The following PDE7A variants were observed in gnomAD, a reference collection of about 807,000 sequenced individuals.
PDE7A encodes the protein phosphodiesterase 7A.
A neutral mutation model predicts 64.3 loss-of-function variants in PDE7A; 39 were observed. That is an observed-to-expected ratio of 0.61 (90% confidence interval 0.47 to 0.79). The LOEUF is 0.79. Among genes scored for constraint, PDE7A ranks in the 30% least tolerant of loss-of-function variants. The pLI is 0.00. For missense variants in PDE7A, 470 were observed against 582.8 expected (o/e 0.81, Z 1.99); for synonymous variants, 203 against 206.8 (o/e 0.98, Z 0.16).
chr8:65,768,914 T>C (rs1288043719), intron 3 of PDE7A, among the ~76,000 whole-genome samples: 1 of 152,190 alleles, frequency 6.6e-6, no homozygotes, highest in Non-Finnish European at 1.5e-5. Context: ...AGATGCTATC[T>C]GAGGAAATTT....
chr8:65,728,826 G>GT (rs899590723), intron 7 of PDE7A, among the ~76,000 whole-genome samples: 1 of 152,112 alleles, frequency 6.6e-6, no homozygotes, highest in African/African-American at 2.4e-5. Context: ...AAAAATTAAT[G>GT]TATGACTGCA....
chr8:65,785,012 A>C (rs1164047127), intron 1 of PDE7A, among the ~76,000 whole-genome samples: 3 of 152,158 alleles, frequency 2.0e-5, no homozygotes, highest in African/African-American at 7.2e-5. Context: ...CAATTATTAT[A>C]TTGAAAATTT....
At chr8:65,805,703 G>A (rs1810092998) in intron 1 of PDE7A, among the ~76,000 whole-genome samples, 1 of 152,168 alleles carries the variant, frequency 6.6e-6, no homozygotes, top group Admixed American at 6.5e-5. Context: ...TAATGGTACT[G>A]TGGATTCACC....
At chr8:65,811,174 C>T (rs1175005778) in intron 1 of PDE7A, among the ~76,000 whole-genome samples, 2 of 152,032 alleles carry the variant, frequency 1.3e-5, no homozygotes, top group East Asian at 3.9e-4. Context: ...GCAACTTTAC[C>T]AGTCAGGTTC....
At chr8:65,799,766 A>C (rs11776756) in intron 1 of PDE7A, among the ~76,000 whole-genome samples, 24,483 of 152,176 alleles carry the variant, frequency 0.16, 2,392 homozygotes, top group African/African-American at 0.28. Context: ...GCCAATCAAG[A>C]CTGCTAAGTA....
At chr8:65,790,064 T>G (rs117728228) in intron 1 of PDE7A, among the ~76,000 whole-genome samples, 2 of 152,168 alleles carry the variant, frequency 1.3e-5, no homozygotes, top group Non-Finnish European at 2.9e-5. Context: ...AGATAAAGTG[T>G]GATGGTGCAA....
intron 1 of PDE7A, chr8:65,788,853 T>A: frequency 1.4e-6 from 2 of 1,426,866 alleles, no homozygotes; most frequent in Non-Finnish European, 2.0e-6. Flanking sequence ...ATGATGAATG[T>A]CACCATCCTA....
At chr8:65,825,206 C>T (rs1299708213) in intron 1 of PDE7A, among the ~76,000 whole-genome samples, 1 of 152,104 alleles carries the variant, frequency 6.6e-6, no homozygotes, top group Admixed American at 6.6e-5. Context: ...TACTTCTTTA[C>T]ATTTTTTCAT....
chr8:65,833,114 T>C (rs2128934770), intron 1 of PDE7A, among the ~76,000 whole-genome samples: 1 of 152,284 alleles, frequency 6.6e-6, no homozygotes, highest in East Asian at 1.9e-4. Context: ...ATCTATAACA[T>C]ATTAACCCTC....
intron 3 of PDE7A, among the ~76,000 whole-genome samples, chr8:65,762,814 A>G (rs777164748): frequency 3.3e-5 from 5 of 152,176 alleles, no homozygotes; most frequent in South Asian, 2.1e-4. Context: ...AAAATATTTC[A>G]GAATAAGCAT....
At chr8:65,734,938 C>CAT (rs757060749) in intron 6 of PDE7A, 44 bp from the exon 7 acceptor site, 1 of 1,180,708 alleles carries the variant, frequency 8.5e-7, no homozygotes, top group South Asian at 1.2e-5. Context: ...ATATGAGCAA[C>CAT]ATATACAAGG....
At chr8:65,802,842 C>A (rs1013551998) in intron 1 of PDE7A, among the ~76,000 whole-genome samples, 1 of 152,158 alleles carries the variant, frequency 6.6e-6, no homozygotes, top group African/African-American at 2.4e-5. Context: ...GTGTTTGGAT[C>A]ATGGGGGTGG....
chr8:65,737,773 C>A, intron 6 of PDE7A, among the ~76,000 whole-genome samples: 1 of 152,320 alleles, frequency 6.6e-6, no homozygotes. Flanking sequence ...CCTGCCTCAG[C>A]CTCCCAAAGT....
chr8:65,835,315 T>C (rs1156687609), intron 1 of PDE7A, among the ~76,000 whole-genome samples: 2 of 152,216 alleles, frequency 1.3e-5, no homozygotes, highest in East Asian at 3.8e-4. Context: ...AGATTTTACA[T>C]AAACACATAA....
rs1198660456 is a variant in PDE7A, at chr8:65,727,441, T to A, written c.697-140A>T. Reference sequence around the variant, plus strand: ...ACGTCATTCCTCAGGTGGTTGTTCATTAGGTTCACCAAGCACATCTGCCAG... The same window carrying A: ...ACGTCATTCCTCAGGTGGTTGTTCAATAGGTTCACCAAGCACATCTGCCAG... On this transcript the variant is annotated intron_variant, in intron 7 of 12. Transcript: ENST00000401827. 2.4e-6 allele frequency: 3 copies of A among 1,229,890 alleles called. No homozygotes were observed. The East Asian group carries it at 7.7e-5, about 32-fold the overall frequency. The allele number at this position is 1,229,890 out of a possible 1,614,324, so 76.2% of individuals were successfully genotyped here. A position where few individuals can be genotyped will look rare whatever the true frequency, so the allele number is the denominator to read the frequency against.
intron 3 of PDE7A, among the ~76,000 whole-genome samples, chr8:65,769,247 CA>C (rs61554087): frequency 0.34 from 25,688 of 74,566 alleles, 1,310 homozygotes; most frequent in African/African-American, 0.38. Flanking sequence ...GACTCAGTCT[CA>C]AAAAAAAAAA....
At chr8:65,776,615 C>A (rs1407929176) in intron 3 of PDE7A, among the ~76,000 whole-genome samples, 1 of 152,104 alleles carries the variant, frequency 6.6e-6, no homozygotes, top group Non-Finnish European at 1.5e-5. Flanking sequence ...TAGAGTTATA[C>A]ATATCTTTAG....
intron 1 of PDE7A, among the ~76,000 whole-genome samples, chr8:65,813,848 T>C (rs560381647): frequency 1.3e-5 from 2 of 152,340 alleles, no homozygotes; most frequent in East Asian, 3.9e-4. Flanking sequence ...GCATCTATTA[T>C]ATCATCAACC....
At chr8:65,818,768 A>G (rs1348565766) in intron 1 of PDE7A, among the ~76,000 whole-genome samples, 1 of 152,194 alleles carries the variant, frequency 6.6e-6, no homozygotes, top group Non-Finnish European at 1.5e-5. Flanking sequence ...CTCATCCAGG[A>G]ATATTCTTGC....
Sources: allele counts gnomAD v4.1 joint callset (sites outside exome capture counted in the v4.1 genomes callset), GRCh38; gene constraint gnomAD v4.1.1; transcripts MANE v1.5; gene names NCBI Gene and HGNC (gene_info 2026-07-23, HGNC 2026-07-21).